NRXN3: variants seen among roughly 807,000 people sequenced by gnomAD.
The protein encoded by NRXN3 is neurexin III.
A neutral mutation model predicts 137.6 loss-of-function variants in NRXN3; 32 were observed. The ratio of observed to expected loss-of-function variants is 0.23; its 90% CI spans 0.18 to 0.31. The LOEUF (loss-of-function observed/expected upper bound fraction) is 0.31. NRXN3 is among the 10% of genes least tolerant of loss of function. The pLI, the probability that NRXN3 is intolerant of heterozygous loss-of-function variation, is 1.00. For synonymous variants in NRXN3, 798 were observed against 784.5 expected, an observed-to-expected ratio of 1.02 and a Z score of -0.29; for missense variants, 1,574 against 2,062.5, an observed-to-expected ratio of 0.76 and a Z score of 4.59.
chr14:78,383,174 G>A (rs1273809206), intron 4 of NRXN3, among the ~76,000 whole-genome samples: 4 of 152,166 alleles, frequency 2.6e-5, no homozygotes, highest in African/African-American at 9.7e-5. Flanking sequence ...TCTGAGGGTA[G>A]ACATCTGTGC....
At chr14:78,921,805 T>C (rs1322011427) in intron 10 of NRXN3, among the ~76,000 whole-genome samples, 1 of 152,250 alleles carries the variant, frequency 6.6e-6, no homozygotes, top group Middle Eastern at 3.2e-3. Flanking sequence ...ATTAAGTTTA[T>C]ACTAGTTGTA....
intron 10 of NRXN3, among the ~76,000 whole-genome samples, chr14:78,883,414 C>T (rs2099134885): frequency 6.6e-6 from 1 of 152,066 alleles, no homozygotes; most frequent in Non-Finnish European, 1.5e-5. Flanking sequence ...AAGCACAGAG[C>T]TGGAAGTGGA....
Position 78,646,138 on chromosome 14 carries a change from G to A in NRXN3, c.1059+717G>A, listed in dbSNP as rs899683737. 4.6e-5 allele frequency among the ~76,000 whole-genome samples: 7 copies of A among 152,202 alleles called. No homozygotes were observed. The South Asian group carries it at 6.2e-4, about 14-fold the overall frequency. On this transcript the variant is annotated intron_variant, in intron 5 of 20. Transcript: ENST00000335750. ...GGAGCAGCCTTTCCTGGTTCTGTCC[G>A]TGCTTGGGAACTCCCATCGCTTGCC...
chr14:79,734,772 T>C (rs901474367), intron 19 of NRXN3, among the ~76,000 whole-genome samples: 1 of 152,146 alleles, frequency 6.6e-6, no homozygotes, highest in Non-Finnish European at 1.5e-5. Flanking sequence ...GTGGCAGAAA[T>C]GAGACCAGAT....
Position 78,246,823 on chromosome 14 carries a change from G to A in NRXN3, c.709+3021G>A, listed in dbSNP as rs374038766. 5.9e-5 allele frequency among the ~76,000 whole-genome samples: 9 copies of A among 152,182 alleles called. No individual in the cohort carries two copies. In the South Asian group the frequency reaches 1.0e-3, roughly 17 times the overall value. On this transcript the variant is annotated intron_variant, in intron 2 of 20. Transcript: ENST00000335750. The stretch of plus-strand genomic sequence containing the variant: ...GTCTGCCCATTTTTCCAAAGATAAT[G>A]TGGTGAAGTGGGTAGAGAGAAATGC...
intron 16 of NRXN3, among the ~76,000 whole-genome samples, chr14:79,622,386 A>G (rs2098233801): frequency 6.6e-6 from 1 of 152,154 alleles, no homozygotes; most frequent in Non-Finnish European, 1.5e-5. Flanking sequence ...ATTTATTGTC[A>G]CTTGCTAACT....
At chr14:78,874,238 C>T (rs950381570) in intron 10 of NRXN3, among the ~76,000 whole-genome samples, 2 of 152,130 alleles carry the variant, frequency 1.3e-5, no homozygotes, top group African/African-American at 4.8e-5. Context: ...TCCCGAAGTT[C>T]TGGGATTACA....
At chr14:79,853,323 T>C (rs1407693897) in intron 20 of NRXN3, among the ~76,000 whole-genome samples, 3 of 152,326 alleles carry the variant, frequency 2.0e-5, no homozygotes, top group South Asian at 2.1e-4. Context: ...TAGTATTTTA[T>C]GTATTTTGGC....
intron 1 of NRXN3, among the ~76,000 whole-genome samples, chr14:78,236,608 C>T (rs2066337909): frequency 6.6e-6 from 1 of 152,064 alleles, no homozygotes; most frequent in Non-Finnish European, 1.5e-5. Context: ...ATTGTGGAGT[C>T]CTGGGGTAAA....
intron 16 of NRXN3, among the ~76,000 whole-genome samples, chr14:79,655,661 G>C (rs1359248979): frequency 6.6e-6 from 1 of 152,002 alleles, no homozygotes; most frequent in Non-Finnish European, 1.5e-5. Flanking sequence ...TCTCAATAGT[G>C]GCACTATTGA....
At chr14:79,818,323 G>T (rs2140979928) in intron 20 of NRXN3, among the ~76,000 whole-genome samples, 1 of 152,190 alleles carries the variant, frequency 6.6e-6, no homozygotes, top group South Asian at 2.1e-4. Context: ...AAAGTGCTGG[G>T]ATTACAGGCG....
chr14:79,281,921 T>C (rs978108340), intron 15 of NRXN3: 1 of 152,236 alleles, frequency 6.6e-6, no homozygotes, highest in Non-Finnish European at 1.5e-5. Context: ...TGGAAGCACA[T>C]TGAGAAAATG....
chr14:79,039,432 A>G (rs2099621512), intron 15 of NRXN3, among the ~76,000 whole-genome samples: 1 of 152,060 alleles, frequency 6.6e-6, no homozygotes, highest in South Asian at 2.1e-4. Flanking sequence ...TTCTTTCTTC[A>G]TATGAGAATA....
chr14:78,332,318 CTTTTTT>C (rs5809877), intron 4 of NRXN3, among the ~76,000 whole-genome samples: 2 of 124,688 alleles, frequency 1.6e-5, no homozygotes, highest in Admixed American at 8.1e-5. Context: ...TTTTCTTCTT[CTTTTTT>C]TTTTTTTTTT....
chr14:78,390,639 G>A (rs1048827384), intron 4 of NRXN3, among the ~76,000 whole-genome samples: 2 of 152,100 alleles, frequency 1.3e-5, no homozygotes, highest in Admixed American at 6.5e-5. Flanking sequence ...TGTTTCTTCC[G>A]AGTCTAACTT....
Position 78,392,013 on chromosome 14 carries a change from GA to G in NRXN3, c.757+94154del, listed in dbSNP as rs79973491. 3.8e-4 allele frequency among the ~76,000 whole-genome samples: 58 copies of G among 152,082 alleles called. No homozygotes were observed. The East Asian group carries it at 0.011, about 28-fold the overall frequency. On this transcript the variant is annotated intron_variant, in intron 4 of 20. Transcript: ENST00000335750. ...TGTGCTAAAGGAAAAAAAAATCTAGGATATGAAGTAACCAAGAGAAAGGAAA... is the reference window on the plus strand; with the variant it reads ...TGTGCTAAAGGAAAAAAAAATCTAGGTATGAAGTAACCAAGAGAAAGGAAA...
At chr14:79,690,160 A>G (rs1354660520) in intron 17 of NRXN3, among the ~76,000 whole-genome samples, 1 of 152,146 alleles carries the variant, frequency 6.6e-6, no homozygotes, top group Admixed American at 6.5e-5. Context: ...ATCCTTTATG[A>G]TATCTGTCAC....
intron 4 of NRXN3, among the ~76,000 whole-genome samples, chr14:78,468,976 T>C (rs1407732797): frequency 2.0e-5 from 3 of 152,024 alleles, no homozygotes; most frequent in African/African-American, 7.2e-5. Context: ...AAAGTAGGTT[T>C]ATATTAGGGG....
intron 15 of NRXN3, among the ~76,000 whole-genome samples, chr14:79,445,867 G>A (rs1567149399): frequency 6.6e-6 from 1 of 152,138 alleles, no homozygotes; most frequent in Admixed American, 6.5e-5. Flanking sequence ...TCATTCTAAG[G>A]CAATTGGAAT....
Sources: allele counts gnomAD v4.1 joint callset (sites outside exome capture counted in the v4.1 genomes callset), GRCh38; gene constraint gnomAD v4.1.1; transcripts MANE v1.5; gene names NCBI Gene and HGNC (gene_info 2026-07-23, HGNC 2026-07-21).